Variants in ROBO2 observed in about 807,000 individuals in gnomAD.
The protein encoded by ROBO2 is roundabout guidance receptor 2.
ROBO2 carries 53 observed loss-of-function variants against 160.8 expected under a neutral mutation model. The observed-to-expected ratio is 0.33, with a 90% CI of 0.26 to 0.41. ROBO2 has a LOEUF of 0.41. Ranked by LOEUF, ROBO2 falls within the 10% of genes least tolerant of loss-of-function variation. ROBO2 has a pLI of 1.00. For missense variants in ROBO2, 1,577 were observed against 1,722.4 expected, an observed-to-expected ratio of 0.92 and a Z score of 1.49; for synonymous variants, 664 against 611.7, an observed-to-expected ratio of 1.09 and a Z score of -1.26.
At chr3:76,083,760 A>G (rs2068917165) in intron 2 of ROBO2, among the ~76,000 whole-genome samples, 3 of 152,098 alleles carry the variant, frequency 2.0e-5, no homozygotes. Flanking sequence ...TTTATTCTGT[A>G]TGTTACAAAG....
chr3:75,980,351 A>G (rs1025853847), intron 2 of ROBO2, among the ~76,000 whole-genome samples: 1 of 151,550 alleles, frequency 6.6e-6, no homozygotes, highest in Non-Finnish European at 1.5e-5. Flanking sequence ...CACTTATTCC[A>G]TTAATCTTCT....
intron 2 of ROBO2, among the ~76,000 whole-genome samples, chr3:77,002,145 T>C (rs2061363900): frequency 6.6e-6 from 1 of 152,238 alleles, no homozygotes; most frequent in South Asian, 2.1e-4. Flanking sequence ...ACTAAATTTA[T>C]GAGTGTTCAA....
rs906573646 is a variant in ROBO2 at position 75,966,753 on chromosome 3, TC to T, written c.109+29152del. Among the ~76,000 whole-genome samples, 13 of 151,822 alleles carry T rather than the reference TC, an allele frequency of 8.6e-5. No individual in the cohort carries two copies. In the South Asian group the frequency reaches 1.9e-3, roughly 22 times the overall value. On this transcript the variant is annotated intron_variant, in intron 2 of 26. Coordinates refer to the ROBO2 transcript ENST00000487694. ...GCCTATATTCTGATCTCTGTTGCCCTCACTTTTCTATTCCCCCAAATGATAA... is the reference window on the plus strand; with the variant it reads ...GCCTATATTCTGATCTCTGTTGCCCTACTTTTCTATTCCCCCAAATGATAA...
intron 2 of ROBO2, among the ~76,000 whole-genome samples, chr3:76,983,551 C>T (rs1037069464): frequency 4.0e-5 from 6 of 151,602 alleles, no homozygotes; most frequent in South Asian, 4.2e-4. Flanking sequence ...TTTTTTCCAC[C>T]CAATATTGGA....
intron 2 of ROBO2, among the ~76,000 whole-genome samples, chr3:76,809,000 G>A (rs997262991): frequency 9.2e-5 from 14 of 152,066 alleles, no homozygotes; most frequent in African/African-American, 2.7e-4. Flanking sequence ...GATCGTCTAC[G>A]CATCAGAATT....
At chr3:76,624,332 T>C (rs1388302969) in intron 2 of ROBO2, among the ~76,000 whole-genome samples, 1 of 152,092 alleles carries the variant, frequency 6.6e-6, no homozygotes, top group Non-Finnish European at 1.5e-5. Context: ...CGGGTCAAAG[T>C]TATGTTTGGG....
intron 2 of ROBO2, among the ~76,000 whole-genome samples, chr3:77,007,672 A>G (rs1055973547): frequency 6.6e-6 from 1 of 152,068 alleles, no homozygotes; most frequent in Non-Finnish European, 1.5e-5. Context: ...ATGACAGTTT[A>G]TCCATTTCTG....
Position 76,448,651 on chromosome 3 carries a change from A to G in ROBO2, c.109+511049A>G, listed in dbSNP as rs1295220710. Among the ~76,000 whole-genome samples, 6 of 152,310 alleles carry G rather than the reference A, an allele frequency of 3.9e-5. No individual in the cohort carries two copies. In the South Asian group the frequency reaches 1.2e-3, roughly 32 times the overall value. ...TAAAATGTATTCTTCAAATCCTTCC[A>G]AACATTTTTAAGAAGTACATAAAAT... On this transcript the variant is annotated intron_variant, in intron 2 of 26. Coordinates refer to the ROBO2 transcript ENST00000487694.
intron 2 of ROBO2, among the ~76,000 whole-genome samples, chr3:76,747,435 T>C (rs2093912221): frequency 1.3e-5 from 2 of 152,122 alleles, no homozygotes. Context: ...ATAAACTGTA[T>C]ATTTTGTTTT....
intron 2 of ROBO2, among the ~76,000 whole-genome samples, chr3:76,158,673 G>T (rs1195536907): frequency 6.6e-6 from 1 of 152,038 alleles, no homozygotes; most frequent in Non-Finnish European, 1.5e-5. Context: ...CACATATTGA[G>T]CTGGCTTAAG....
At chr3:76,984,737 A>T (rs1057489317) in intron 2 of ROBO2, among the ~76,000 whole-genome samples, 1 of 152,204 alleles carries the variant, frequency 6.6e-6, no homozygotes, top group African/African-American at 2.4e-5. Context: ...AGAATCAAAC[A>T]GTATTAGAAA....
chr3:77,574,768 G>T (rs1229980661), intron 14 of ROBO2, 38 bp downstream of exon 15: 1 of 1,486,556 alleles, frequency 6.7e-7, no homozygotes, highest in African/African-American at 1.4e-5. Flanking sequence ...CAAACATGAT[G>T]AAACCAATTT....
chr3:76,128,931 G>T (rs546569636), intron 2 of ROBO2, among the ~76,000 whole-genome samples: 27 of 152,144 alleles, frequency 1.8e-4, no homozygotes, highest in Non-Finnish European at 3.2e-4. Context: ...GCAGTAACTT[G>T]TGAATAATCA....
intron 2 of ROBO2, among the ~76,000 whole-genome samples, chr3:76,429,047 T>C (rs1306101502): frequency 6.6e-6 from 1 of 152,180 alleles, no homozygotes; most frequent in East Asian, 1.9e-4. Context: ...AAGTCTCTCC[T>C]TAGGAAAACA....
intron 2 of ROBO2, among the ~76,000 whole-genome samples, chr3:76,916,068 G>A (rs2076285144): frequency 6.6e-6 from 1 of 152,144 alleles, no homozygotes; most frequent in Non-Finnish European, 1.5e-5. Flanking sequence ...ATCAGATGGA[G>A]GGTTAGGGTT....
chr3:77,195,428 G>A (rs13064244), intron 2 of ROBO2, among the ~76,000 whole-genome samples: 29,817 of 152,024 alleles, frequency 0.2, 3,366 homozygotes, highest in Middle Eastern at 0.31. Flanking sequence ...TCAAATGAAG[G>A]TAAATGCACT....
chr3:76,388,852 T>C (rs1046806287), intron 2 of ROBO2, among the ~76,000 whole-genome samples: 2 of 152,156 alleles, frequency 1.3e-5, no homozygotes, highest in African/African-American at 4.8e-5. Flanking sequence ...TTATCAGTGA[T>C]AAATAGTATT....
chr3:77,070,652 T>C (rs1366863869), intron 1 of ROBO2, among the ~76,000 whole-genome samples: 1 of 152,124 alleles, frequency 6.6e-6, no homozygotes, highest in Non-Finnish European at 1.5e-5. Flanking sequence ...AGGAGTGATA[T>C]CAAATGAAGG....
chr3:76,500,177 G>A (rs1249537238), intron 2 of ROBO2, among the ~76,000 whole-genome samples: 1 of 152,046 alleles, frequency 6.6e-6, no homozygotes, highest in African/African-American at 2.4e-5. Context: ...GGAGTGCAAT[G>A]ACACAATCAC....
Sources: allele counts gnomAD v4.1 joint callset (sites outside exome capture counted in the v4.1 genomes callset), GRCh38; gene constraint gnomAD v4.1.1; transcripts MANE v1.5; gene names NCBI Gene and HGNC (gene_info 2026-07-23, HGNC 2026-07-21).